GARNL3: variants seen among roughly 807,000 people sequenced by gnomAD.
The protein encoded by GARNL3 is GTPase-activating Rap/Ran-GAP domain-like protein 3.
Under a neutral mutation model 125.0 loss-of-function variants are expected in GARNL3, and 63 were observed. That is an observed-to-expected ratio of 0.50 (90% CI 0.41 to 0.62). GARNL3 has a LOEUF of 0.62. Ranked by LOEUF, GARNL3 falls within the 20% of genes least tolerant of loss-of-function variation. The pLI is 0.00. For missense variants in GARNL3, 994 were observed against 1,244.0 expected, an observed-to-expected ratio of 0.80 and a Z score of 3.02; for synonymous variants, 439 against 457.5, an observed-to-expected ratio of 0.96 and a Z score of 0.52.
At chr9:127,298,871 C>T (rs2064690721) in intron 2 of GARNL3, among the ~76,000 whole-genome samples, 1 of 152,104 alleles carries the variant, frequency 6.6e-6, no homozygotes. Context: ...TCAAGATTAT[C>T]ACATCAAAGA....
At chr9:127,381,197 G>C (rs1190359917) in intron 22 of GARNL3, among the ~76,000 whole-genome samples, 2 of 152,090 alleles carry the variant, frequency 1.3e-5, no homozygotes, top group African/African-American at 4.8e-5. Context: ...CTTTTTAATG[G>C]ATGAATTTTG....
intron 2 of GARNL3, among the ~76,000 whole-genome samples, chr9:127,294,962 C>G (rs1318169680): frequency 6.6e-6 from 1 of 152,140 alleles, no homozygotes; most frequent in Non-Finnish European, 1.5e-5. Flanking sequence ...CAGGAAGAGC[C>G]CTATTTAAGA....
intron 1 of GARNL3, among the ~76,000 whole-genome samples, chr9:127,265,277 G>A (rs1481699494): frequency 6.6e-6 from 1 of 152,024 alleles, no homozygotes; most frequent in Non-Finnish European, 1.5e-5. Flanking sequence ...TTTTCTCTGT[G>A]TATATAATTA....
In GARNL3 at chr9:127,242,963, C is replaced by A. The variant is rs772491797; in HGVS notation, c.-28-116C>A. On this transcript the variant is annotated intron_variant, in intron 1 of 10. Transcript: ENST00000439286. This position sits in a 1 kb window ranked among gnomAD's most constrained non-coding sequence, Gnocchi z 4.6. ...CTGGGTCTTGAGGGTGCTTCAGTGT[C>A]ACCCTCCTCCTTGCTTACCAGCGGG... 108 of 895,722 alleles carry A rather than the reference C, an allele frequency of 1.2e-4. No homozygotes were observed. Among genetic ancestry groups the A allele is most frequent in the Non-Finnish European group, 1.6e-4 (105 of 664,152 alleles). The allele number at this position is 895,722 out of a possible 1,614,324, so 55.5% of individuals were successfully genotyped here.
intron 22 of GARNL3, among the ~76,000 whole-genome samples, chr9:127,365,787 A>G (rs539599892): frequency 6.6e-6 from 1 of 152,342 alleles, no homozygotes; most frequent in South Asian, 2.1e-4. Context: ...TCTTGTGGCT[A>G]CTAAGCAGCA....
intron 6 of GARNL3, among the ~76,000 whole-genome samples, 173 bp from the exon 7 acceptor site, chr9:127,324,896 C>T (rs998081155): frequency 7.2e-5 from 11 of 152,212 alleles, no homozygotes; most frequent in African/African-American, 2.7e-4. Flanking sequence ...ACTCGTGGCA[C>T]CCACCTTTGT....
chr9:127,301,157 C>G (rs2064772974), intron 2 of GARNL3, among the ~76,000 whole-genome samples: 1 of 152,156 alleles, frequency 6.6e-6, no homozygotes, highest in African/African-American at 2.4e-5. Context: ...GGATCAGTTC[C>G]ATCATTGTCA....
chr9:127,254,605 C>T (rs1443741953), intron 2 of GARNL3, among the ~76,000 whole-genome samples: 1 of 151,944 alleles, frequency 6.6e-6, no homozygotes, highest in African/African-American at 2.4e-5. Context: ...CCCGTCTCTA[C>T]TAAAAATACA....
chr9:127,377,016 C>T (rs1831954298), intron 22 of GARNL3, among the ~76,000 whole-genome samples: 1 of 152,212 alleles, frequency 6.6e-6, no homozygotes, highest in South Asian at 2.1e-4. Context: ...CAGTCAGAAT[C>T]CCAATTCTTT....
At chr9:127,225,342 G>A (rs2062887554) in intron 1 of GARNL3, 1 of 984,674 alleles carries the variant, frequency 1.0e-6, no homozygotes, top group South Asian at 4.7e-5. Flanking sequence ...GGTGGCCGCT[G>A]CGCTCCTGCG....
intron 22 of GARNL3, among the ~76,000 whole-genome samples, chr9:127,372,473 T>C (rs1274994514): frequency 6.6e-6 from 1 of 152,252 alleles, no homozygotes; most frequent in East Asian, 1.9e-4. Context: ...ATCTGACTTG[T>C]ACAAAATATC....
chr9:127,342,175 C>A, intron 13 of GARNL3, 44 bp from the exon 14 acceptor site: 1 of 1,109,360 alleles, frequency 9.0e-7, no homozygotes, highest in Non-Finnish European at 1.4e-6. Context: ...GTGTGTGTGT[C>A]AAGAGATATC....
intron 27 of GARNL3, among the ~76,000 whole-genome samples, chr9:127,391,537 T>C (rs532351232): frequency 1.5e-5 from 1 of 65,500 alleles, no homozygotes; most frequent in African/African-American, 4.3e-5. Context: ...AAAAAAAATA[T>C]ATATATATAT....
intron 2 of GARNL3, among the ~76,000 whole-genome samples, chr9:127,256,443 C>G (rs1212504931): frequency 4.6e-5 from 7 of 152,140 alleles, no homozygotes; most frequent in Non-Finnish European, 8.8e-5. Context: ...TTACAGTTTG[C>G]CAGATTTGCT....
intron 1 of GARNL3, among the ~76,000 whole-genome samples, chr9:127,229,351 G>A (rs575370283): frequency 1.3e-5 from 2 of 152,150 alleles, no homozygotes; most frequent in South Asian, 4.1e-4. Flanking sequence ...GTTCAGGGTG[G>A]CACTGGGCCT....
intron 22 of GARNL3, among the ~76,000 whole-genome samples, chr9:127,373,664 T>A (rs1831725538): frequency 6.6e-6 from 1 of 152,184 alleles, no homozygotes; most frequent in Admixed American, 6.5e-5. Context: ...AGATAAGACA[T>A]GGTCCATCAC....
intron 22 of GARNL3, among the ~76,000 whole-genome samples, chr9:127,369,881 A>T (rs563292746): frequency 1.6e-4 from 25 of 152,252 alleles, no homozygotes; most frequent in African/African-American, 5.3e-4. Context: ...GGTGCCAGGG[A>T]GAGGGGGAGA....
intron 1 of GARNL3, among the ~76,000 whole-genome samples, chr9:127,281,171 A>G (rs561899170): frequency 2.0e-5 from 3 of 152,264 alleles, no homozygotes; most frequent in Admixed American, 2.0e-4. Context: ...TGCCAAAAAG[A>G]GCCCGAGTGG....
chr9:127,350,901 C>G (rs1270125743), intron 17 of GARNL3, among the ~76,000 whole-genome samples: 4 of 152,114 alleles, frequency 2.6e-5, no homozygotes, highest in African/African-American at 4.8e-5. Flanking sequence ...GATGAACAAG[C>G]TGAGGCCTAA....
Sources: allele counts gnomAD v4.1 joint callset (sites outside exome capture counted in the v4.1 genomes callset), GRCh38; gene constraint gnomAD v4.1.1; non-coding constraint Gnocchi (gnomAD v3.1); transcripts MANE v1.5; gene names NCBI Gene and HGNC (gene_info 2026-07-23, HGNC 2026-07-21).